Variants in RBM27 observed in about 807,000 individuals in gnomAD.
The protein encoded by RBM27 is RNA-binding protein 27.
In RBM27, 22 loss-of-function variants were observed where a neutral mutation model predicts 135.3. The ratio of observed to expected loss-of-function variants is 0.16; its 90% confidence interval spans 0.12 to 0.23. The LOEUF is 0.23. Among genes scored for constraint, RBM27 ranks in the 10% least tolerant of loss-of-function variants. The pLI is 1.00. For synonymous variants in RBM27, 481 were observed against 442.4 expected, an observed-to-expected ratio of 1.09 and a Z score of -1.10; for missense variants, 1,009 against 1,281.0, an observed-to-expected ratio of 0.79 and a Z score of 3.24.
At chr5:146,223,359 G>C in intron 2 of RBM27, 44 bp from the exon 3 acceptor site, 3 of 1,547,166 alleles carry the variant, frequency 1.9e-6, no homozygotes, top group Non-Finnish European at 2.6e-6. Flanking sequence ...TCAAATTTTT[G>C]TTTTTTGTTT....
intron 19 of RBM27, among the ~76,000 whole-genome samples, chr5:146,282,133 G>A (rs554542283): frequency 1.5e-4 from 23 of 151,420 alleles, no homozygotes; most frequent in Non-Finnish European, 3.1e-4. Flanking sequence ...AGCCTCCTGA[G>A]TAGCTGGGAT....
chr5:146,280,744 G>GTCC (rs1321534375), intron 19 of RBM27, among the ~76,000 whole-genome samples: 3 of 152,198 alleles, frequency 2.0e-5, no homozygotes, highest in Admixed American at 6.5e-5. Context: ...ACAGTTGCCA[G>GTCC]TCCCCTCATG....
At chr5:146,203,954 C>A (rs1029234808) in intron 1 of RBM27, 130 bp downstream of exon 1, 14 of 904,744 alleles carry the variant, frequency 1.5e-5, no homozygotes, top group Non-Finnish European at 2.1e-5. Flanking sequence ...CGACGCCTTC[C>A]CTGTAGTACT....
chr5:146,256,768 C>T (rs1421083399), intron 10 of RBM27, among the ~76,000 whole-genome samples: 1 of 152,060 alleles, frequency 6.6e-6, no homozygotes, highest in East Asian at 1.9e-4. Flanking sequence ...TGTTAAGTGG[C>T]AGAACTAGAA....
chr5:146,267,886 T>C, intron 15 of RBM27, 118 bp downstream of exon 15: 1 of 1,032,198 alleles, frequency 9.7e-7, no homozygotes, highest in Non-Finnish European at 1.4e-6. Context: ...TAATGCTTAT[T>C]TAGCTTCTTC....
chr5:146,215,394 A>T (rs1224012136), intron 1 of RBM27, among the ~76,000 whole-genome samples: 1 of 152,188 alleles, frequency 6.6e-6, no homozygotes, highest in Non-Finnish European at 1.5e-5. Context: ...CAATATCTGA[A>T]TGTTTTGCCC....
At chr5:146,255,130 A>G (rs1317090888) in intron 10 of RBM27, 38 bp downstream of exon 10, 4 of 1,564,668 alleles carry the variant, frequency 2.6e-6, no homozygotes, top group East Asian at 2.3e-5. Flanking sequence ...GCTAAGTGTT[A>G]TGCAGTAGTT....
chr5:146,233,130 A>G (rs184031604), intron 6 of RBM27, among the ~76,000 whole-genome samples: 113 of 152,284 alleles, frequency 7.4e-4, no homozygotes, highest in African/African-American at 2.6e-3. Flanking sequence ...TGCTAAATTG[A>G]TATTTGTTTA....
chr5:146,269,130 G>A (rs919559832), intron 15 of RBM27, 77 bp from the exon 16 acceptor site: 10 of 987,138 alleles, frequency 1.0e-5, no homozygotes, highest in Non-Finnish European at 1.4e-5. Flanking sequence ...GTCTGTCTCA[G>A]GGATGACCCA....
In RBM27 at chr5:146,274,950, C is replaced by G. The variant is rs555907718; in HGVS notation, c.2988+3276C>G. ...GTCTTCTCTCCTTTCACCTGCTCTTCCCTCTCTTCCTCTTTCCTTTCTAGT... is the reference window on the plus strand; with the variant it reads ...GTCTTCTCTCCTTTCACCTGCTCTTGCCTCTCTTCCTCTTTCCTTTCTAGT... On this transcript the variant is annotated intron_variant, in intron 19 of 20. Transcript: ENST00000265271. Among the ~76,000 whole-genome samples, 4 of 151,828 alleles carry G rather than the reference C, an allele frequency of 2.6e-5. No homozygotes were observed. In the East Asian group the frequency reaches 7.7e-4, roughly 29 times the overall value.
rs187650620 is a variant in RBM27 at position 146,210,331 on chromosome 5, A to G, written c.59+6507A>G. ...TACTATACTAGGAGCTATGGTCCAA[A>G]TATCCAAATGGTATTTGCAACTGAT... is the stretch of plus-strand genomic sequence containing the variant. On this transcript the variant is annotated intron_variant, in intron 1 of 20. Transcript: ENST00000265271. Among the ~76,000 whole-genome samples, 312 of 152,322 alleles carry G rather than the reference A, an allele frequency of 2.0e-3. 3 individuals carry two copies. The highest frequency in any genetic ancestry group is 7.0e-3 in the African/African-American group (293 of 41,570).
At chr5:146,228,748 G>A (rs536389713) in intron 3 of RBM27, among the ~76,000 whole-genome samples, 198 bp from the exon 4 acceptor site, 12 of 152,076 alleles carry the variant, frequency 7.9e-5, no homozygotes, top group Admixed American at 4.6e-4. Context: ...CTACATACAG[G>A]TGCATCCCAC....
intron 19 of RBM27, among the ~76,000 whole-genome samples, chr5:146,273,057 G>A (rs920028625): frequency 2.0e-5 from 3 of 152,158 alleles, no homozygotes; most frequent in Non-Finnish European, 4.4e-5. Context: ...TGCCTTTTAA[G>A]GTTTAGTATA....
intron 5 of RBM27, 50 bp downstream of exon 5, chr5:146,229,960 C>G (rs774833590): frequency 8.8e-6 from 14 of 1,593,970 alleles, no homozygotes; most frequent in Non-Finnish European, 1.1e-5. Flanking sequence ...TTATCTGTCT[C>G]TATCACAGGG....
At chr5:146,247,112 CCTCAGCCT>C (rs1757659304) in intron 8 of RBM27, among the ~76,000 whole-genome samples, 1 of 152,052 alleles carries the variant, frequency 6.6e-6, no homozygotes, top group East Asian at 1.9e-4. Flanking sequence ...AGTCCTCCAG[CCTCAGCCT>C]CTCAAAGTGC....
At chr5:146,241,433 G>C (rs1016903661) in intron 8 of RBM27, among the ~76,000 whole-genome samples, 1 of 152,196 alleles carries the variant, frequency 6.6e-6, no homozygotes, top group Non-Finnish European at 1.5e-5. Flanking sequence ...TTATTTAAAA[G>C]TAAGACTATT....
chr5:146,261,540 C>G lies in RBM27; in HGVS notation c.1924C>G (p.Leu642Val). 1 of 1,614,152 alleles carries G rather than the reference C, an allele frequency of 6.2e-7. No individual in the cohort carries two copies. The highest frequency in any genetic ancestry group is 8.5e-7 in the Non-Finnish European group (1 of 1,180,024). Residue 642 changes from leucine to valine, a missense_variant, in exon 13 of 21, where the codon CTA (leucine) becomes GTA (valine). Leu to Val is a conservative substitution (Grantham distance 32). Around this residue, in one of 6 missense-constraint regions of RBM27, gnomAD observed 34 missense variants for 82.8 expected, o/e 0.41. Coordinates refer to ENST00000265271, the MANE Select transcript of RBM27 (RefSeq NM_018989.2). ...VAFKGDPEAA[L>V]IQYLTNEEAR... is the part of the protein sequence containing the mutation. ...TTTTAAGGGTGACCCAGAAGCAGCC[C>G]TAATCCAATATCTTACCAATGAGGA...
intron 1 of RBM27, among the ~76,000 whole-genome samples, chr5:146,215,360 T>A (rs1359512994): frequency 6.6e-6 from 1 of 152,166 alleles, no homozygotes; most frequent in East Asian, 1.9e-4. Context: ...GATATCTGGG[T>A]TTCTTAAACC....
At chr5:146,283,676 C>T (rs1759460741) in intron 19 of RBM27, among the ~76,000 whole-genome samples, 1 of 152,068 alleles carries the variant, frequency 6.6e-6, no homozygotes, top group South Asian at 2.1e-4. Flanking sequence ...GAATTTTTCC[C>T]TTAGAACACA....
Sources: allele counts gnomAD v4.1 joint callset (sites outside exome capture counted in the v4.1 genomes callset), GRCh38; gene constraint gnomAD v4.1.1; regional missense constraint gnomAD v4.1.1; transcripts MANE v1.5; gene names NCBI Gene and HGNC (gene_info 2026-07-23, HGNC 2026-07-21).